TBC1D4: variants seen among roughly 807,000 people sequenced by gnomAD.
The protein encoded by TBC1D4 is TBC (Tre-2, BUB2, CDC16) domain-containing protein.
In TBC1D4, 121 loss-of-function variants were observed where a neutral mutation model predicts 142.5. The ratio of observed to expected loss-of-function variants is 0.85; its 90% confidence interval spans 0.73 to 0.99. TBC1D4 has a LOEUF of 0.99. Among genes scored for constraint, TBC1D4 ranks in the 50% least tolerant of loss-of-function variants. The pLI, the probability that TBC1D4 is intolerant of heterozygous loss-of-function variation, is 0.00. For synonymous variants in TBC1D4, 630 were observed against 628.2 expected (o/e 1.00, Z -0.04); for missense variants, 1,475 against 1,606.6 (o/e 0.92, Z 1.40).
At chr13:75,390,391 C>T (rs1477603305) in intron 1 of TBC1D4, among the ~76,000 whole-genome samples, 1 of 151,790 alleles carries the variant, frequency 6.6e-6, no homozygotes, top group Non-Finnish European at 1.5e-5. Context: ...AGGTACAAGA[C>T]TACATCCAGA....
At chr13:75,382,253 C>T (rs1178973186) in intron 1 of TBC1D4, among the ~76,000 whole-genome samples, 1 of 152,184 alleles carries the variant, frequency 6.6e-6, no homozygotes, top group Non-Finnish European at 1.5e-5. Flanking sequence ...AAAGGTTTAA[C>T]CTGTGAGTGT....
intron 1 of TBC1D4, among the ~76,000 whole-genome samples, chr13:75,379,677 T>C (rs1883706949): frequency 6.6e-6 from 1 of 152,100 alleles, no homozygotes; most frequent in Non-Finnish European, 1.5e-5. Flanking sequence ...CATGGTTAAT[T>C]GACATTAGAA....
chr13:75,333,135 CTT>C (rs1879897335), intron 8 of TBC1D4, among the ~76,000 whole-genome samples: 1 of 152,202 alleles, frequency 6.6e-6, no homozygotes, highest in Non-Finnish European at 1.5e-5. Flanking sequence ...AAGGAAGACA[CTT>C]ATACACTGAA....
chr13:75,434,963 C>T (rs1886736052), intron 1 of TBC1D4, among the ~76,000 whole-genome samples: 1 of 150,334 alleles, frequency 6.7e-6, no homozygotes, highest in South Asian at 2.1e-4. Context: ...GCCTGGCCAA[C>T]ATGGCAAAAC....
chr13:75,348,968 T>A (rs1192352159), intron 5 of TBC1D4, among the ~76,000 whole-genome samples: 20 of 150,170 alleles, frequency 1.3e-4, no homozygotes, highest in African/African-American at 4.4e-4. Context: ...TGTGTGTGTG[T>A]GTGTGTGTGT....
intron 4 of TBC1D4, among the ~76,000 whole-genome samples, chr13:75,349,894 C>CT: frequency 6.6e-6 from 1 of 152,310 alleles, no homozygotes; most frequent in East Asian, 1.9e-4. Flanking sequence ...ATTTGTGACA[C>CT]TAAGAAGGTC....
In TBC1D4 at chr13:75,349,208, G is replaced by A. The variant is rs375499221; in HGVS notation, c.1370C>T (p.Pro457Leu). 12 of 1,613,936 alleles carry A rather than the reference G, an allele frequency of 7.4e-6. No homozygotes were observed. Among genetic ancestry groups the A allele is most frequent in the East Asian group, 4.5e-5 (2 of 44,884 alleles). ...ACAGAGCTTATGCAAAGAGTGCATC[G>A]GGCAGGCCTCACACAGTTTAATCTG... Reference protein sequence around the residue: ...KTQIKLCEACPMHSLHKLCER... With the variant: ...KTQIKLCEACLMHSLHKLCER... Residue 457 changes from proline to leucine, a missense_variant, in exon 5 of 21, where the codon CCG becomes CTG. Pro to Leu is a moderately conservative substitution (Grantham distance 98). Around this residue, in one of 2 missense-constraint regions of TBC1D4, gnomAD observed 1,227 missense variants for 1,267.7 expected, o/e 0.97. Coordinates refer to ENST00000377636, the MANE Select transcript of TBC1D4 (RefSeq NM_014832.5).
At chr13:75,347,551 C>G (rs1881248956) in intron 5 of TBC1D4, among the ~76,000 whole-genome samples, 1 of 152,088 alleles carries the variant, frequency 6.6e-6, no homozygotes. Context: ...AATAAGAATA[C>G]TCTTCTTGTT....
rs1877604481 is a variant in TBC1D4, at chr13:75,310,144, C to T, written c.2391G>A (p.Leu797=). 3 of 1,613,524 alleles carry T rather than the reference C, an allele frequency of 1.9e-6. No individual in the cohort carries two copies. The highest frequency in any genetic ancestry group is 2.5e-6 in the Non-Finnish European group (3 of 1,179,734). ...SPSAMQQQDG[L]DRNELLPLSP... is the part of the protein sequence containing the mutation. ...ACAGTGGCAGCAGCTCGTTCCTGTC[C>T]AATCCATCTGCAGAGAAGAACACAG... is the stretch of plus-strand genomic sequence containing the variant. Residue 797 remains leucine (L), a synonymous_variant, in exon 14 of 21, where the codon TTG becomes TTA. Coordinates refer to ENST00000377636, the MANE Select transcript of TBC1D4 (RefSeq NM_014832.5).
chr13:75,446,093 T>A (rs1256216440), intron 1 of TBC1D4, among the ~76,000 whole-genome samples: 4 of 152,200 alleles, frequency 2.6e-5, no homozygotes, highest in Non-Finnish European at 5.9e-5. Flanking sequence ...ACATAAGTAG[T>A]AGCAGGGGAG....
At chr13:75,371,330 A>G (rs1883210025) in intron 1 of TBC1D4, among the ~76,000 whole-genome samples, 1 of 152,218 alleles carries the variant, frequency 6.6e-6, no homozygotes, top group Non-Finnish European at 1.5e-5. Flanking sequence ...TTCAAGAAAC[A>G]GGGCAGAATT....
At chr13:75,330,001 T>C (rs906677038) in intron 8 of TBC1D4, among the ~76,000 whole-genome samples, 1 of 152,254 alleles carries the variant, frequency 6.6e-6, no homozygotes, top group African/African-American at 2.4e-5. Flanking sequence ...TTGTGCACTT[T>C]CTGAGTTCAC....
intron 12 of TBC1D4, among the ~76,000 whole-genome samples, chr13:75,315,996 A>G (rs932067288): frequency 1.3e-5 from 2 of 152,222 alleles, no homozygotes; most frequent in Non-Finnish European, 2.9e-5. Context: ...TGAAATACTT[A>G]TTTAAAAGCA....
At chr13:75,332,468 C>T (rs1555305275) in intron 8 of TBC1D4, among the ~76,000 whole-genome samples, 1 of 152,206 alleles carries the variant, frequency 6.6e-6, no homozygotes, top group Non-Finnish European at 1.5e-5. Flanking sequence ...TCACTAAACA[C>T]TGTGTTCAAT....
chr13:75,459,889 T>A (rs1887890320), intron 1 of TBC1D4, among the ~76,000 whole-genome samples: 1 of 152,218 alleles, frequency 6.6e-6, no homozygotes, highest in African/African-American at 2.4e-5. Context: ...ACGCCTGTAA[T>A]CCCAGCACTT....
At chr13:75,447,482 T>C (rs1034776656) in intron 1 of TBC1D4, among the ~76,000 whole-genome samples, 3 of 144,358 alleles carry the variant, frequency 2.1e-5, no homozygotes, top group African/African-American at 5.2e-5. Context: ...CATAAGCTGA[T>C]GGGCATGCAT....
chr13:75,449,733 G>A (rs1593898716), intron 1 of TBC1D4, among the ~76,000 whole-genome samples: 1 of 151,802 alleles, frequency 6.6e-6, no homozygotes, highest in African/African-American at 2.4e-5. Context: ...TTACAGGCAT[G>A]CACCACCACA....
chr13:75,460,130 G>A (rs971905296), intron 1 of TBC1D4, among the ~76,000 whole-genome samples: 9 of 151,916 alleles, frequency 5.9e-5, no homozygotes, highest in South Asian at 2.1e-4. Flanking sequence ...GCGACAGAGC[G>A]AGACTCCGTC....
intron 8 of TBC1D4, among the ~76,000 whole-genome samples, chr13:75,329,164 C>G (rs745880340): frequency 6.6e-6 from 1 of 151,838 alleles, no homozygotes; most frequent in Admixed American, 6.6e-5. Context: ...AGTTACATCA[C>G]GAATTTTGGT....
Sources: allele counts gnomAD v4.1 joint callset (sites outside exome capture counted in the v4.1 genomes callset), GRCh38; gene constraint gnomAD v4.1.1; regional missense constraint gnomAD v4.1.1; transcripts MANE v1.5; gene names NCBI Gene and HGNC (gene_info 2026-07-23, HGNC 2026-07-21).